The following SATB1 variants were observed in gnomAD, a reference collection of about 807,000 sequenced individuals.
SATB1 encodes SATB homeobox 1, also known as DNA-binding protein SATB1.
A neutral mutation model predicts 86.9 loss-of-function variants in SATB1; 11 were observed. The ratio of observed to expected loss-of-function variants is 0.13; its 90% confidence interval spans 0.08 to 0.21. SATB1 has a LOEUF of 0.21. SATB1 is among the 10% of genes least tolerant of loss of function. The pLI, the probability that SATB1 is intolerant of heterozygous loss-of-function variation, is 1.00. For synonymous variants in SATB1, 357 were observed against 357.2 expected, an observed-to-expected ratio of 1.00 and a Z score of 0.01; for missense variants, 551 against 937.6, an observed-to-expected ratio of 0.59 and a Z score of 5.39.
exon 1 of SATB1, chr3:18,438,670 G>A (rs1405360699): frequency 6.6e-6 from 1 of 152,246 alleles, no homozygotes; most frequent in Non-Finnish European, 1.5e-5. Context: ...GGCACTGCTA[G>A]CAAGGCAGAA....
intron 2 of SATB1, chr3:18,435,276 A>G (rs1699020967): frequency 6.6e-6 from 1 of 152,182 alleles, no homozygotes; most frequent in Non-Finnish European, 1.5e-5. Context: ...GGAGACAGAC[A>G]TAAGGAAAAT....
At chr3:18,407,506 C>T (rs1467941509) in intron 5 of SATB1, among the ~76,000 whole-genome samples, 2 of 152,020 alleles carry the variant, frequency 1.3e-5, no homozygotes, top group African/African-American at 4.8e-5. Context: ...AGTTATGGCA[C>T]ACTTTAGGAC....
rs568505199 is a variant in SATB1, at chr3:18,387,053, C to T, written c.1207-442G>A. On this transcript the variant is annotated intron_variant, in intron 7 of 10. Coordinates refer to ENST00000338745, the MANE Select transcript of SATB1 (RefSeq NM_002971.6). ...GAAGTAGAACTTTCAAAGAAAATACCAGAAAATGAATTTTAACATATTAGA... is the reference window on the plus strand; with the variant it reads ...GAAGTAGAACTTTCAAAGAAAATACTAGAAAATGAATTTTAACATATTAGA... 9.9e-4 allele frequency among the ~76,000 whole-genome samples: 150 copies of T among 152,176 alleles called. 1 individual carries two copies. Among genetic ancestry groups the T allele is most frequent in the African/African-American group, 3.4e-3 (141 of 41,520 alleles).
At chr3:18,439,508 T>C (rs1699179322), upstream of SATB1, among the ~76,000 whole-genome samples, 1 of 152,336 alleles carries the variant, frequency 6.6e-6, no homozygotes, top group Admixed American at 6.5e-5. Flanking sequence ...TGTTAATGTG[T>C]TGATCACACT....
rs768443302 is a variant in SATB1 at position 18,352,225 on chromosome 3, T to G, written c.1576-30A>C. On this transcript the variant is annotated intron_variant, in intron 9 of 10. Transcript: ENST00000338745. This position sits in a 1 kb window ranked among gnomAD's most constrained non-coding sequence, Gnocchi z 4.1. ...GAGACAAGGGCATAATAGGTCAGTTTGTGCCTATGAGAGGGGCTGGCATTT... is the reference window on the plus strand; with the variant it reads ...GAGACAAGGGCATAATAGGTCAGTTGGTGCCTATGAGAGGGGCTGGCATTT... The G allele has an allele frequency of 6.9e-6, 11 of 1,605,704 alleles. No individual in the cohort carries two copies. The highest frequency in any genetic ancestry group is 9.4e-6 in the Non-Finnish European group (11 of 1,173,018).
At chr3:18,351,478 T>G in intron 10 of SATB1, 1 of 1,216,226 alleles carries the variant, frequency 8.2e-7, no homozygotes, top group Non-Finnish European at 1.2e-6. Flanking sequence ...AGACAGCTAT[T>G]ACATACAAGG....
Position 18,444,857 on chromosome 3 carries a change from C to CGG in SATB1, c.-25+659_-25+660dup, listed in dbSNP as rs1372577853. 2 of 144,578 alleles carry CGG rather than the reference C, an allele frequency of 1.4e-5. No homozygotes were observed. The highest frequency in any genetic ancestry group is 5.3e-5 in the African/African-American group (2 of 37,456). 9.0% of individuals were successfully genotyped at this position (144,578 alleles called of 1,614,324 possible). A position where few individuals can be genotyped will look rare whatever the true frequency, so the allele number is the denominator to read the frequency against. ...GGCGAGGAGCGAGCGAGCGAGCGCG[C>CGG]GGGGCCAAGGGAAGGAAGAGAAGGA... On this transcript the variant is annotated intron_variant, in intron 1 of 3. Coordinates refer to the SATB1 transcript ENST00000415069. The surrounding 1 kb of genome is among the most constrained non-coding windows in gnomAD (Gnocchi z 5.1).
In SATB1 at chr3:18,394,404, G is replaced by T; in HGVS notation, c.1206+58C>A. ...AAAGAATAAACTTTAGTTATAGATGGGACTAAAGAAAGAGAAAATAGGAGA... is the reference window on the plus strand; with the variant it reads ...AAAGAATAAACTTTAGTTATAGATGTGACTAAAGAAAGAGAAAATAGGAGA... On this transcript the variant is annotated intron_variant, in intron 7 of 10. Transcript: ENST00000338745. The surrounding 1 kb of genome is among the most constrained non-coding windows in gnomAD (Gnocchi z 5.9). The T allele has an allele frequency of 7.3e-7, 1 of 1,378,542 alleles. No homozygotes were observed. Among genetic ancestry groups the T allele is most frequent in the Non-Finnish European group, 1.0e-6 (1 of 970,562 alleles). 85.4% of individuals were successfully genotyped at this position (1,378,542 alleles called of 1,614,324 possible). A position where few individuals can be genotyped will look rare whatever the true frequency, so the allele number is the denominator to read the frequency against.
chr3:18,365,028 T>G (rs1695113906), intron 9 of SATB1, among the ~76,000 whole-genome samples: 1 of 152,130 alleles, frequency 6.6e-6, no homozygotes, highest in Non-Finnish European at 1.5e-5. Flanking sequence ...CCTGCCCCCA[T>G]TCAATCCTCA....
At chr3:18,427,174 G>A (rs75170829), upstream of SATB1, among the ~76,000 whole-genome samples, 2,240 of 152,290 alleles carry the variant, frequency 0.015, 82 homozygotes, top group East Asian at 0.078. Context: ...GAAATCTGAA[G>A]GAAGATATGT....
chr3:18,360,827 T>C (rs1346454153), intron 9 of SATB1, among the ~76,000 whole-genome samples: 1 of 152,076 alleles, frequency 6.6e-6, no homozygotes, highest in Non-Finnish European at 1.5e-5. Flanking sequence ...CCAAGCACAT[T>C]TGGGAAAACC....
chr3:18,445,088 A>G (rs1485345432), intron 1 of SATB1: 7 of 459,252 alleles, frequency 1.5e-5, no homozygotes, highest in African/African-American at 1.3e-4. Flanking sequence ...GGCGCTTCGG[A>G]CCGGGCACGC....
exon 1 of SATB1, chr3:18,438,614 C>G (rs567995301): frequency 6.6e-6 from 1 of 152,350 alleles, no homozygotes; most frequent in African/African-American, 2.4e-5. Context: ...CAGGAGATGT[C>G]TGAAAAAGTA....
Position 18,346,242 on chromosome 3 carries a change from A to AT in SATB1, c.*2927dup, listed in dbSNP as rs954028099. On this transcript the variant is annotated 3_prime_UTR_variant, in exon 11 of 11. Coordinates refer to ENST00000338745, the MANE Select transcript of SATB1 (RefSeq NM_002971.6). The stretch of plus-strand genomic sequence containing the variant: ...TATATGGCCACAGAGTGTAATACAA[A>AT]TTAGTGGCAAAGTGCTGAGTGAAGG... 11 of 152,244 alleles carry AT rather than the reference A, an allele frequency of 7.2e-5. No individual in the cohort carries two copies. The highest frequency in any genetic ancestry group is 2.4e-4 in the African/African-American group (10 of 41,566). 9.4% of individuals were successfully genotyped at this position (152,244 alleles called of 1,614,324 possible).
chr3:18,400,223 C>T (rs1697186159), intron 5 of SATB1, among the ~76,000 whole-genome samples: 1 of 152,162 alleles, frequency 6.6e-6, no homozygotes, highest in Non-Finnish European at 1.5e-5. Flanking sequence ...TCTTGTGTCA[C>T]TTAAAAGGAG....
intron 2 of SATB1, among the ~76,000 whole-genome samples, chr3:18,431,575 T>TTTTTAAAGC (rs1351932705): frequency 6.6e-6 from 1 of 152,170 alleles, no homozygotes; most frequent in Non-Finnish European, 1.5e-5. Context: ...GACATTCAGT[T>TTTTTAAAGC]TTTTAAAGCT....
At chr3:18,392,343 G>T (rs1696721114) in intron 7 of SATB1, among the ~76,000 whole-genome samples, 1 of 152,082 alleles carries the variant, frequency 6.6e-6, no homozygotes, top group Non-Finnish European at 1.5e-5. Flanking sequence ...AAGGACCAAA[G>T]GCAGAACAAA....
intron 9 of SATB1, among the ~76,000 whole-genome samples, chr3:18,357,622 G>A (rs1256799337): frequency 2.0e-5 from 3 of 149,752 alleles, no homozygotes; most frequent in African/African-American, 7.4e-5. Context: ...CAAGCTGGGG[G>A]AAAATGAGTT....
chr3:18,372,096 C>T (rs1695503434), intron 9 of SATB1, among the ~76,000 whole-genome samples: 1 of 152,176 alleles, frequency 6.6e-6, no homozygotes, highest in Non-Finnish European at 1.5e-5. Context: ...ACAAAAGGTG[C>T]TCTCATATTA....
Sources: gnomAD v4.1 joint callset for allele counts (sites outside exome capture counted in the v4.1 genomes callset) on GRCh38, gnomAD v4.1.1 for gene constraint, Gnocchi (gnomAD v3.1) non-coding constraint, MANE v1.5 for transcripts, NCBI Gene and HGNC (gene_info 2026-07-23, HGNC 2026-07-21) for gene names.